PPME1: variants seen among roughly 807,000 people sequenced by gnomAD.
PPME1 encodes protein phosphatase methylesterase 1, also known as testicular secretory protein Li 39.
A neutral mutation model predicts 56.9 loss-of-function variants in PPME1; 17 were observed. That is an observed-to-expected ratio of 0.30 (90% CI 0.20 to 0.45). The LOEUF (loss-of-function observed/expected upper bound fraction) is 0.45, where lower values mean the gene tolerates loss of function less well. Ranked by LOEUF, PPME1 falls within the 20% of genes least tolerant of loss-of-function variation. PPME1 has a pLI of 1.00. For synonymous variants in PPME1, 122 were observed against 156.2 expected, an observed-to-expected ratio of 0.78 and a Z score of 1.63; for missense variants, 357 against 483.2, an observed-to-expected ratio of 0.74 and a Z score of 2.45.
chr11:74,241,601 G>A (rs1002967243), intron 9 of PPME1, among the ~76,000 whole-genome samples: 3 of 152,150 alleles, frequency 2.0e-5, no homozygotes, highest in East Asian at 3.8e-4. Flanking sequence ...TTTTACATTC[G>A]CACTTGCAGT....
Position 74,203,888 on chromosome 11 carries a change from T to G in PPME1, c.195+67T>G. On this transcript the variant is annotated intron_variant, in intron 2 of 13. Coordinates refer to ENST00000328257, the MANE Select transcript of PPME1 (RefSeq NM_016147.3). ...TGTTGTCTAAGTTAAAAGACTTGTG[T>G]AGTTTCTAAAATGTTCTTTATTCCT... The G allele has an allele frequency of 1.2e-5, 14 of 1,189,200 alleles. No homozygotes were observed. In the South Asian group the frequency reaches 2.1e-4, roughly 18 times the overall value. 73.7% of individuals were successfully genotyped at this position (1,189,200 alleles called of 1,614,324 possible). A position where few individuals can be genotyped will look rare whatever the true frequency, so the allele number is the denominator to read the frequency against.
At chr11:74,200,931 C>T (rs1858145190) in intron 1 of PPME1, among the ~76,000 whole-genome samples, 1 of 151,936 alleles carries the variant, frequency 6.6e-6, no homozygotes, top group Admixed American at 6.6e-5. Context: ...ATTTATCTTC[C>T]CACCTCAGTC....
intron 5 of PPME1, among the ~76,000 whole-genome samples, chr11:74,229,869 G>A (rs1859023758): frequency 6.6e-6 from 1 of 152,038 alleles, no homozygotes; most frequent in African/African-American, 2.4e-5. Context: ...TTTTGTTCTT[G>A]TTTTATAGAT....
In PPME1 at chr11:74,225,172, G is replaced by T. The variant is rs751685430; in HGVS notation, c.347-33G>T. ...TTCTGCTTTTATAATTCCTGTCTGT[G>T]GGAATTTTATTTTTAAAATATTTTC... On this transcript the variant is annotated intron_variant, in intron 4 of 13. Coordinates refer to ENST00000328257, the MANE Select transcript of PPME1 (RefSeq NM_016147.3). 4.3e-6 allele frequency: 6 copies of T among 1,394,610 alleles called. No homozygotes were observed. The South Asian group carries it at 5.2e-5, about 12-fold the overall frequency. The allele number at this position is 1,394,610 out of a possible 1,614,324, so 86.4% of individuals were successfully genotyped here.
chr11:74,174,570 C>T (rs774136243), intron 1 of PPME1, among the ~76,000 whole-genome samples: 57 of 152,116 alleles, frequency 3.7e-4, no homozygotes, highest in Admixed American at 7.9e-4. Context: ...TTCATGATCT[C>T]TTGCCTTCAA....
At position 74,224,853 on chromosome 11, in the gene PPME1, A is replaced by G. The variant is rs557181912; in HGVS notation, c.347-352A>G. 2.4e-3 allele frequency among the ~76,000 whole-genome samples: 353 copies of G among 149,346 alleles called. 1 individual carries two copies. The highest frequency in any genetic ancestry group is 8.3e-3 in the African/African-American group (334 of 40,224). ...CTTAAGGAGATTTTGGGCTGAGACAATGGGGTTTTCTAGATATACAATCAT... is the reference window on the plus strand; with the variant it reads ...CTTAAGGAGATTTTGGGCTGAGACAGTGGGGTTTTCTAGATATACAATCAT... On this transcript the variant is annotated intron_variant, in intron 4 of 13. Coordinates refer to ENST00000328257, the MANE Select transcript of PPME1 (RefSeq NM_016147.3).
At chr11:74,203,010 A>G (rs752165425) in intron 1 of PPME1, among the ~76,000 whole-genome samples, 12 of 152,130 alleles carry the variant, frequency 7.9e-5, no homozygotes, top group Non-Finnish European at 1.6e-4. Flanking sequence ...TTTTATTAAT[A>G]TATTTGTTCA....
chr11:74,225,624 C>T (rs1023047758), intron 5 of PPME1, among the ~76,000 whole-genome samples: 16 of 152,180 alleles, frequency 1.1e-4, no homozygotes, highest in Non-Finnish European at 1.8e-4. Flanking sequence ...TTGAGAGTAT[C>T]TCCTTCAGGT....
chr11:74,199,240 ATCTT>A (rs1242838924), intron 1 of PPME1, among the ~76,000 whole-genome samples: 1 of 151,952 alleles, frequency 6.6e-6, no homozygotes, highest in Admixed American at 6.6e-5. Flanking sequence ...GCTGGAAGTA[ATCTT>A]TCTTTCCTCC....
chr11:74,185,575 G>A (rs1857657767), intron 1 of PPME1, among the ~76,000 whole-genome samples: 1 of 149,980 alleles, frequency 6.7e-6, no homozygotes, highest in Non-Finnish European at 1.5e-5. Context: ...CTGTTCTCTT[G>A]CTTTCATTAA....
chr11:74,209,703 TACTC>T (rs1565384404), intron 3 of PPME1, among the ~76,000 whole-genome samples: 1 of 152,190 alleles, frequency 6.6e-6, no homozygotes, highest in East Asian at 1.9e-4. Context: ...ATTCTTATAT[TACTC>T]AATTCTAAAT....
intron 3 of PPME1, among the ~76,000 whole-genome samples, chr11:74,217,799 A>G (rs947155563): frequency 5.9e-5 from 9 of 152,148 alleles, no homozygotes; most frequent in African/African-American, 2.2e-4. Flanking sequence ...AGCCATATAC[A>G]ATAGACCCAC....
chr11:74,246,071 TC>T lies in PPME1; in HGVS notation c.835-3del. 6.3e-7 allele frequency: 1 copy of T among 1,579,296 alleles called. No individual in the cohort carries two copies. On this transcript the variant is annotated splice_region_variant and splice_polypyrimidine_tract_variant and intron_variant, in intron 9 of 13. Transcript: ENST00000328257. ...GAGACTCAGAACTTGCTCTTATTCC[TC>T]CAGACCAAGAAAGACCATCCATACA... is the stretch of plus-strand genomic sequence containing the variant.
chr11:74,191,938 C>T (rs1402532904), intron 1 of PPME1, among the ~76,000 whole-genome samples: 1 of 152,188 alleles, frequency 6.6e-6, no homozygotes, highest in Non-Finnish European at 1.5e-5. Context: ...GGGGTTGGAG[C>T]CCCCGTCAAA....
At chr11:74,214,270 G>A (rs921126308) in intron 3 of PPME1, among the ~76,000 whole-genome samples, 2 of 152,072 alleles carry the variant, frequency 1.3e-5, no homozygotes, top group African/African-American at 2.4e-5. Flanking sequence ...CAGGTTATTT[G>A]AATATACACA....
chr11:74,239,645 C>G (rs547104864), intron 9 of PPME1, among the ~76,000 whole-genome samples: 24 of 149,284 alleles, frequency 1.6e-4, no homozygotes, highest in Admixed American at 2.0e-4. Flanking sequence ...GGCGCGATCT[C>G]GGCTCACTGC....
intron 1 of PPME1, 90 bp from the exon 2 acceptor site, chr11:74,203,638 A>T (rs1858234293): frequency 2.3e-6 from 2 of 882,150 alleles, no homozygotes; most frequent in Non-Finnish European, 1.8e-6. Flanking sequence ...TGCTGTTTTC[A>T]TTACTGACTT....
chr11:74,172,193 ATTG>A (rs1857267820), intron 1 of PPME1, among the ~76,000 whole-genome samples: 1 of 152,126 alleles, frequency 6.6e-6, no homozygotes, highest in African/African-American at 2.4e-5. Context: ...AGCCACGAAG[ATTG>A]TTAAGGGTAG....
At position 74,204,401 on chromosome 11, in the gene PPME1, C is replaced by A. The variant is rs1858268457; in HGVS notation, c.244C>A (p.Leu82Met). 6.2e-7 allele frequency: 1 copy of A among 1,613,544 alleles called. No individual in the cohort carries two copies. Among genetic ancestry groups the A allele is most frequent in the African/African-American group, 1.3e-5 (1 of 75,044 alleles). ...TTCAGAGGGTCCAGTCCTGCTCCTT[C>A]TGCATGGAGGAGGTCATTCTGCCCT... Reference protein sequence around the residue: ...SGSEGPVLLLLHGGGHSALSW... With the variant: ...SGSEGPVLLLMHGGGHSALSW... The change falls in exon 3 of 14, where the codon CTG becomes ATG. Residue 82 changes from leucine (L) to methionine (M), a missense_variant. Physicochemically the swap from Leu to Met is conservative, Grantham distance 15 (BLOSUM62 2). Transcript: ENST00000328257.
Sources: allele counts gnomAD v4.1 joint callset (sites outside exome capture counted in the v4.1 genomes callset), GRCh38; gene constraint gnomAD v4.1.1; transcripts MANE v1.5; gene names NCBI Gene and HGNC (gene_info 2026-07-23, HGNC 2026-07-21).